Variants in DCTN1 observed in about 807,000 individuals in gnomAD.
DCTN1 encodes the protein 150 kDa dynein-associated polypeptide.
A neutral mutation model predicts 161.2 loss-of-function variants in DCTN1; 61 were observed. That is an observed-to-expected ratio of 0.38 (90% CI 0.31 to 0.47). The LOEUF (loss-of-function observed/expected upper bound fraction) is 0.47. Among genes scored for constraint, DCTN1 ranks in the 20% least tolerant of loss-of-function variants. The pLI is 0.99. For synonymous variants in DCTN1, 653 were observed against 632.4 expected (o/e 1.03, Z -0.49); for missense variants, 1,404 against 1,623.7 (o/e 0.86, Z 2.33).
At chr2:74,383,002 G>A (rs1040955397), upstream of DCTN1, among the ~76,000 whole-genome samples, 1 of 151,514 alleles carries the variant, frequency 6.6e-6, no homozygotes, top group Non-Finnish European at 1.5e-5. Context: ...GTGAACCCGG[G>A]AAGCGGAGCT....
At chr2:74,375,960 G>A (rs940196977) in intron 5 of DCTN1, among the ~76,000 whole-genome samples, 2 of 152,198 alleles carry the variant, frequency 1.3e-5, no homozygotes, top group Admixed American at 6.5e-5. Flanking sequence ...TGTACATACA[G>A]CACAGTACAT....
intron 1 of DCTN1, among the ~76,000 whole-genome samples, chr2:74,388,425 C>T (rs376194768): frequency 1.9e-4 from 29 of 152,286 alleles, no homozygotes; most frequent in South Asian, 6.2e-4. Context: ...TGAATCCGGT[C>T]GCATCAATCA....
At chr2:74,375,194 G>A (rs577155554) in intron 5 of DCTN1, among the ~76,000 whole-genome samples, 2 of 152,310 alleles carry the variant, frequency 1.3e-5, no homozygotes, top group South Asian at 4.1e-4. Flanking sequence ...CAGCTCTAAT[G>A]ACTGTTGGGC....
chr2:74,362,925 C>T, intron 29 of DCTN1, 69 bp downstream of exon 29: 1 of 1,559,942 alleles, frequency 6.4e-7, no homozygotes, highest in Non-Finnish European at 8.7e-7. Flanking sequence ...ACCACCTGAG[C>T]AGGGGCTAAA....
chr2:74,362,782 A>C (rs1674110922), intron 29 of DCTN1, 53 bp from the exon 30 acceptor site: 1 of 1,566,038 alleles, frequency 6.4e-7, no homozygotes, highest in Non-Finnish European at 8.8e-7. Flanking sequence ...AGGCAGTTCT[A>C]CTGGATTAAG....
chr2:74,368,643 C>CAA, intron 16 of DCTN1, 85 bp downstream of exon 16: 1 of 1,589,454 alleles, frequency 6.3e-7, no homozygotes, highest in Admixed American at 1.7e-5. Context: ...GGCAGAGACT[C>CAA]TGTTGTCTTC....
rs1419797350 is a variant in DCTN1 at position 74,363,535 on chromosome 2, C to T, written c.3211+79G>A. ...CATCCCCCCATCACCCATCTCCAGT[C>T]CTGGCTTCCCCCTCCACCCTGCTCC... On this transcript the variant is annotated intron_variant, in intron 27 of 31. Coordinates refer to ENST00000628224, the MANE Select transcript of DCTN1 (RefSeq NM_004082.5). 1.3e-5 allele frequency: 20 copies of T among 1,598,870 alleles called. 1 individual carries two copies. Among genetic ancestry groups the T allele is most frequent in the Non-Finnish European group, 1.7e-5 (20 of 1,172,700 alleles).
intron 29 of DCTN1, 97 bp downstream of exon 29, chr2:74,362,897 A>G (rs1573141193): frequency 7.0e-7 from 1 of 1,424,190 alleles, no homozygotes; most frequent in Non-Finnish European, 9.7e-7. Flanking sequence ...TGCTGGGAAG[A>G]GCTTCTGTGG....
rs1064797256 is a variant in DCTN1, at chr2:74,370,678, G to A, written c.991C>T (p.Arg331Trp). Residue 331 changes from arginine (R) to tryptophan (W), a missense_variant, in exon 10 of 32, where the codon CGG (arginine) becomes TGG (tryptophan). Arg to Trp is a moderately radical substitution (Grantham distance 101, BLOSUM62 -3). This residue lies in a region of DCTN1 where 278 missense variants were observed against 363.8 expected (regional missense o/e 0.76). Coordinates refer to ENST00000628224, the MANE Select transcript of DCTN1 (RefSeq NM_004082.5). This position sits in a 1 kb window ranked among gnomAD's most constrained non-coding sequence, Gnocchi z 4.4. The stretch of plus-strand genomic sequence containing the variant: ...AAGTCAGTAGTGAGCTCGTCCACCC[G>A]CTCCTTCAGTGCCTCCACCTCCTGC... ...LQQEVEALKERVDELTTDLEI... is the reference protein window; with the variant it reads ...LQQEVEALKEWVDELTTDLEI... The A allele has an allele frequency of 1.7e-5, 27 of 1,613,928 alleles. No homozygotes were observed. Among genetic ancestry groups the A allele is most frequent in the Middle Eastern group, 1.6e-4 (1 of 6,084 alleles).
At position 74,361,517 on chromosome 2, in the gene DCTN1, G is replaced by A. The variant is rs889980270; in HGVS notation, c.3819C>T (p.His1273=). The change falls in exon 32 of 32, where the codon CAC becomes CAT. Residue 1273 remains histidine (H), a synonymous_variant. Transcript: ENST00000628224. ...VLTQEQLHQL[H]SRLIS ...GGAGTGCTTAGGAGATGAGGCGACTGTGAAGCTGGTGCAGCTGCTCCTGGG... is the reference window on the plus strand; with the variant it reads ...GGAGTGCTTAGGAGATGAGGCGACTATGAAGCTGGTGCAGCTGCTCCTGGG... 1 of 1,614,150 alleles carries A rather than the reference G, an allele frequency of 6.2e-7. No homozygotes were observed. The highest frequency in any genetic ancestry group is 8.5e-7 in the Non-Finnish European group (1 of 1,180,006).
In DCTN1 at chr2:74,369,261, G is replaced by C; in HGVS notation, c.1584+39C>G. ...CACAGCTGGGTCATAAGGAAGCCCT[G>C]GGGTGATGGTGGGCAGAGAGCAAAC... On this transcript the variant is annotated intron_variant, in intron 14 of 31. Coordinates refer to ENST00000628224, the MANE Select transcript of DCTN1 (RefSeq NM_004082.5). The surrounding 1 kb of genome is among the most constrained non-coding windows in gnomAD (Gnocchi z 4.9). 1 of 1,614,120 alleles carries C rather than the reference G, an allele frequency of 6.2e-7. No individual in the cohort carries two copies. The highest frequency in any genetic ancestry group is 8.5e-7 in the Non-Finnish European group (1 of 1,179,950).
At position 74,361,310 on chromosome 2, in the gene DCTN1, G is replaced by A; in HGVS notation, c.*189C>T. 1.2e-6 allele frequency: 1 copy of A among 811,626 alleles called. No individual in the cohort carries two copies. Among genetic ancestry groups the A allele is most frequent in the Non-Finnish European group, 2.0e-6 (1 of 488,078 alleles). 50.3% of individuals were successfully genotyped at this position (811,626 alleles called of 1,614,324 possible). A position where few individuals can be genotyped will look rare whatever the true frequency, so the allele number is the denominator to read the frequency against. On this transcript the variant is annotated 3_prime_UTR_variant, in exon 32 of 32. Transcript: ENST00000628224. ...GAACAACAAATTATGGCAGAGGCCAGGGAATGGGAGTGGGGGAACCCGGGT... is the reference window on the plus strand; with the variant it reads ...GAACAACAAATTATGGCAGAGGCCAAGGAATGGGAGTGGGGGAACCCGGGT...
chr2:74,370,374 G>T lies in DCTN1; in HGVS notation c.1128-29C>A, dbSNP rs776887314. On this transcript the variant is annotated intron_variant, in intron 11 of 31. Transcript: ENST00000628224. This position sits in a 1 kb window ranked among gnomAD's most constrained non-coding sequence, Gnocchi z 4.4. ...CAGGGATGTGAGGAAGGCAGAAGGA[G>T]GAAAGCACGTGTCAGAGTCTCTGGC... The T allele has an allele frequency of 2.5e-6, 4 of 1,614,052 alleles. No homozygotes were observed. The Admixed American group carries it at 6.7e-5, about 27-fold the overall frequency.
intron 5 of DCTN1, chr2:74,374,665 A>T: frequency 8.3e-7 from 1 of 1,207,376 alleles, no homozygotes; most frequent in Non-Finnish European, 1.0e-6. Flanking sequence ...TGGCAGCCTC[A>T]GTGGCCGCAG....
chr2:74,369,906 A>G lies in DCTN1; in HGVS notation c.1392+59T>C, dbSNP rs1236605294. The G allele has an allele frequency of 1.3e-6, 2 of 1,556,076 alleles. No homozygotes were observed. Among genetic ancestry groups the G allele is most frequent in the Admixed American group, 1.7e-5 (1 of 59,908 alleles). The stretch of plus-strand genomic sequence containing the variant: ...ACCCTGCTCAAAGGCCAAGGGTCAC[A>G]TGTCAATCTTTTTCTCAGCAGGTCC... On this transcript the variant is annotated intron_variant, in intron 13 of 31. Transcript: ENST00000628224. The surrounding 1 kb of genome is among the most constrained non-coding windows in gnomAD (Gnocchi z 4.9).
At position 74,366,231 on chromosome 2, in the gene DCTN1, A is replaced by C; in HGVS notation, c.2760+13T>G. ...CAGGCCTCTGCAACTTCTCCAAGGAAATCTCCACCTACCTTGCTGGGGGGC... is the reference window on the plus strand; with the variant it reads ...CAGGCCTCTGCAACTTCTCCAAGGACATCTCCACCTACCTTGCTGGGGGGC... On this transcript the variant is annotated intron_variant, in intron 23 of 31. Transcript: ENST00000628224. 6.2e-7 allele frequency: 1 copy of C among 1,614,022 alleles called. No homozygotes were observed. Among genetic ancestry groups the C allele is most frequent in the Non-Finnish European group, 8.5e-7 (1 of 1,179,988 alleles).
chr2:74,369,101 G>C lies in DCTN1; in HGVS notation c.1698C>G (p.Ala566=). 6.2e-7 allele frequency: 1 copy of C among 1,614,120 alleles called. No individual in the cohort carries two copies. The highest frequency in any genetic ancestry group is 8.5e-7 in the Non-Finnish European group (1 of 1,179,998). ...KIKFAETKAH[A]KAIEMELRQM... ...CAGACCCACACACTTTCCTGACCTT[G>C]GCATGGGCCTTAGTCTCAGCAAACT... is the stretch of plus-strand genomic sequence containing the variant. Residue 566 remains alanine, a synonymous_variant, in exon 15 of 32, where the codon GCC becomes GCG. Coordinates refer to ENST00000628224, the MANE Select transcript of DCTN1 (RefSeq NM_004082.5). The surrounding 1 kb of genome is among the most constrained non-coding windows in gnomAD (Gnocchi z 4.9).
chr2:74,374,577 C>T (rs2103696669), intron 5 of DCTN1: 1 of 1,316,366 alleles, frequency 7.6e-7, no homozygotes. Context: ...ACAGAGGCCC[C>T]CGCAGACGTG....
At chr2:74,361,760 G>A (rs1441627392) in intron 31 of DCTN1, 124 bp from the exon 32 acceptor site, 1 of 1,245,766 alleles carries the variant, frequency 8.0e-7, no homozygotes, top group Non-Finnish European at 1.2e-6. Context: ...CTGAGATCCT[G>A]GGCTATTGTG....
Sources: allele counts gnomAD v4.1 joint callset (sites outside exome capture counted in the v4.1 genomes callset), GRCh38; gene constraint gnomAD v4.1.1; regional missense constraint gnomAD v4.1.1; non-coding constraint Gnocchi (gnomAD v3.1); transcripts MANE v1.5; gene names NCBI Gene and HGNC (gene_info 2026-07-23, HGNC 2026-07-21).